PCBP3: variants seen among roughly 807,000 people sequenced by gnomAD.
The protein encoded by PCBP3 is poly(rC) binding protein 3.
In PCBP3, 25 loss-of-function variants were observed where a neutral mutation model predicts 52.7. The observed-to-expected ratio is 0.47, with a 90% CI of 0.35 to 0.66. The LOEUF (loss-of-function observed/expected upper bound fraction) is 0.66, where lower values mean the gene tolerates loss of function less well. Ranked by LOEUF, PCBP3 falls within the 30% of genes least tolerant of loss-of-function variation. The pLI, the probability that PCBP3 is intolerant of heterozygous loss-of-function variation, is 0.01. For missense variants in PCBP3, 391 were observed against 490.3 expected, an observed-to-expected ratio of 0.80 and a Z score of 1.91; for synonymous variants, 162 against 183.0, an observed-to-expected ratio of 0.89 and a Z score of 0.93.
chr21:45,660,877 A>G (rs1434585207), intron 1 of PCBP3, among the ~76,000 whole-genome samples: 2 of 152,070 alleles, frequency 1.3e-5, no homozygotes, highest in East Asian at 3.9e-4. Context: ...CGTCTTTACT[A>G]AAAAATAACA....
intron 15 of PCBP3, among the ~76,000 whole-genome samples, chr21:45,934,957 A>G (rs1392714318): frequency 6.6e-6 from 1 of 152,220 alleles, no homozygotes; most frequent in African/African-American, 2.4e-5. Flanking sequence ...GTGTCACAAG[A>G]GAGTATACAA....
intron 1 of PCBP3, among the ~76,000 whole-genome samples, chr21:45,660,066 T>C (rs62215035): frequency 0.2 from 30,367 of 151,946 alleles, 3,308 homozygotes; most frequent in Middle Eastern, 0.34. Flanking sequence ...CTGTTACTGT[T>C]GAACTGTCTG....
chr21:45,735,627 G>C lies in PCBP3; in HGVS notation c.-162+198G>C, dbSNP rs985286307. 6.6e-6 allele frequency among the ~76,000 whole-genome samples: 1 copy of C among 152,134 alleles called. No individual in the cohort carries two copies. The highest frequency in any genetic ancestry group is 2.4e-5 in the African/African-American group (1 of 41,412). On this transcript the variant is annotated intron_variant, in intron 3 of 17. Coordinates refer to ENST00000681687, the MANE Select transcript of PCBP3 (RefSeq NM_001384156.1). The surrounding 1 kb of genome is among the most constrained non-coding windows in gnomAD (Gnocchi z 4.0). Reference sequence around the variant, plus strand: ...CAAGAGCATGTAGTGTGAGTGACACGCGTTTTCCCTTCTTGCTTCTGTGGA... The same window carrying C: ...CAAGAGCATGTAGTGTGAGTGACACCCGTTTTCCCTTCTTGCTTCTGTGGA...
chr21:45,667,998 A>T (rs2080918128), intron 1 of PCBP3, among the ~76,000 whole-genome samples: 1 of 152,178 alleles, frequency 6.6e-6, no homozygotes, highest in Non-Finnish European at 1.5e-5. Context: ...AAATGCCTGG[A>T]ATCAGTGAGT....
chr21:45,906,460 C>G (rs1464656776), intron 9 of PCBP3, among the ~76,000 whole-genome samples: 1 of 152,022 alleles, frequency 6.6e-6, no homozygotes, highest in Non-Finnish European at 1.5e-5. Context: ...TCGGGAAGGC[C>G]TTGGACAGGG....
intron 5 of PCBP3, chr21:45,872,350 T>C (rs1375361191): frequency 6.6e-6 from 1 of 152,262 alleles, no homozygotes; most frequent in African/African-American, 2.4e-5. Flanking sequence ...GCATTTTTCC[T>C]AGTTTCCTCA....
chr21:45,716,605 C>T (rs923808823), intron 2 of PCBP3, among the ~76,000 whole-genome samples: 8 of 152,064 alleles, frequency 5.3e-5, no homozygotes, highest in African/African-American at 1.9e-4. Context: ...GATTAGGGCC[C>T]CACCCTTATG....
At chr21:45,790,267 C>A (rs973935560) in intron 4 of PCBP3, among the ~76,000 whole-genome samples, 1 of 152,116 alleles carries the variant, frequency 6.6e-6, no homozygotes, top group Non-Finnish European at 1.5e-5. Context: ...ATTCAGGATC[C>A]GTTTTGAAGG....
rs1414027789 is a variant in PCBP3 at position 45,830,516 on chromosome 21, G to T, written c.-125-19445G>T. On this transcript the variant is annotated intron_variant, in intron 4 of 17. Transcript: ENST00000681687. This position sits in a 1 kb window ranked among gnomAD's most constrained non-coding sequence, Gnocchi z 4.4. The stretch of plus-strand genomic sequence containing the variant: ...GCCACTGACGCGGGAGCCCTGCTGT[G>T]GGGGGTGTGTGCGCATGCTCAGCAC... 2.6e-5 allele frequency: 4 copies of T among 152,498 alleles called. No individual in the cohort carries two copies. Among genetic ancestry groups the T allele is most frequent in the Non-Finnish European group, 5.9e-5 (4 of 68,122 alleles). 9.4% of individuals were successfully genotyped at this position (152,498 alleles called of 1,614,324 possible).
chr21:45,723,819 T>C (rs185681243), intron 2 of PCBP3, among the ~76,000 whole-genome samples: 10 of 152,278 alleles, frequency 6.6e-5, no homozygotes, highest in Admixed American at 6.5e-4. Flanking sequence ...CCATGCCACT[T>C]TTGAGGTGGA....
At chr21:45,660,503 T>C (rs1162944203) in intron 1 of PCBP3, among the ~76,000 whole-genome samples, 2 of 152,232 alleles carry the variant, frequency 1.3e-5, no homozygotes, top group East Asian at 1.9e-4. Flanking sequence ...ATTTTGCTTC[T>C]TGTTTTCTCT....
At chr21:45,734,745 T>C (rs2085728619) in intron 2 of PCBP3, among the ~76,000 whole-genome samples, 1 of 152,222 alleles carries the variant, frequency 6.6e-6, no homozygotes, top group Non-Finnish European at 1.5e-5. Context: ...GCTCCATGTC[T>C]GAACACCCTC....
At chr21:45,727,007 ATGAAAAGTT>A (rs1312433617) in intron 2 of PCBP3, among the ~76,000 whole-genome samples, 2 of 152,212 alleles carry the variant, frequency 1.3e-5, no homozygotes, top group Non-Finnish European at 2.9e-5. Flanking sequence ...TGACTTGAAG[ATGAAAAGTT>A]TTAAAATTTG....
At chr21:45,770,382 C>G (rs2089764719) in intron 4 of PCBP3, among the ~76,000 whole-genome samples, 1 of 151,866 alleles carries the variant, frequency 6.6e-6, no homozygotes, top group Admixed American at 6.6e-5. Context: ...TTTTTCTTTT[C>G]CTTCTTGTCT....
At chr21:45,655,390 T>C (rs1320452773) in intron 1 of PCBP3, among the ~76,000 whole-genome samples, 2 of 152,124 alleles carry the variant, frequency 1.3e-5, no homozygotes, top group African/African-American at 4.8e-5. Context: ...CAGTAATTTA[T>C]GAGGGTTCCA....
At chr21:45,823,731 T>A (rs1048455832) in intron 4 of PCBP3, among the ~76,000 whole-genome samples, 1 of 66,742 alleles carries the variant, frequency 1.5e-5, no homozygotes, top group African/African-American at 5.2e-5. Context: ...TGTTTTTTTT[T>A]TATTTTTTAA....
At chr21:45,765,588 G>A (rs2089233231) in intron 4 of PCBP3, among the ~76,000 whole-genome samples, 1 of 152,216 alleles carries the variant, frequency 6.6e-6, no homozygotes, top group South Asian at 2.1e-4. Context: ...ACCGAGGACA[G>A]TGCCATGCTG....
In PCBP3 at chr21:45,917,857, C is replaced by T; in HGVS notation, c.717+228C>T. The T allele has an allele frequency of 1.8e-6, 1 of 570,854 alleles. No individual in the cohort carries two copies. Among genetic ancestry groups the T allele is most frequent in the South Asian group, 1.8e-5 (1 of 54,752 alleles). 35.4% of individuals were successfully genotyped at this position (570,854 alleles called of 1,614,324 possible). The stretch of plus-strand genomic sequence containing the variant: ...GGCCTGATGTCAAATTGTCTCAATT[C>T]TGCCGCAGTCCTGGGTTTTCCTCCC... On this transcript the variant is annotated intron_variant, in intron 13 of 17. Transcript: ENST00000681687. The surrounding 1 kb of genome is among the most constrained non-coding windows in gnomAD (Gnocchi z 5.3).
chr21:45,679,224 G>A (rs527418127), intron 2 of PCBP3, among the ~76,000 whole-genome samples: 97 of 151,946 alleles, frequency 6.4e-4, no homozygotes, highest in African/African-American at 1.8e-3. Context: ...GGGTTCAAGC[G>A]ATTGTCCTGC....
Sources: gnomAD v4.1 joint callset for allele counts (sites outside exome capture counted in the v4.1 genomes callset) on GRCh38, gnomAD v4.1.1 for gene constraint, Gnocchi (gnomAD v3.1) non-coding constraint, MANE v1.5 for transcripts, NCBI Gene and HGNC (gene_info 2026-07-23, HGNC 2026-07-21) for gene names.